Variants in HECW1 observed in about 807,000 individuals in gnomAD.
HECW1 encodes the protein HECT, C2 and WW domain containing E3 ubiquitin protein ligase 1.
In HECW1, 61 loss-of-function variants were observed where a neutral mutation model predicts 182.3. That is an observed-to-expected ratio of 0.33 (90% CI 0.27 to 0.41). The LOEUF (loss-of-function observed/expected upper bound fraction) is 0.41, where lower values mean the gene tolerates loss of function less well. Ranked by LOEUF, HECW1 falls within the 10% of genes least tolerant of loss-of-function variation. The pLI, the probability that HECW1 is intolerant of heterozygous loss-of-function variation, is 1.00. For synonymous variants in HECW1, 859 were observed against 832.6 expected, an observed-to-expected ratio of 1.03 and a Z score of -0.55; for missense variants, 1,739 against 2,108.9, an observed-to-expected ratio of 0.82 and a Z score of 3.44.
intron 19 of HECW1, among the ~76,000 whole-genome samples, chr7:43,499,454 G>A (rs1254336415): frequency 6.8e-6 from 1 of 147,022 alleles, no homozygotes; most frequent in Non-Finnish European, 1.5e-5. Flanking sequence ...GGGCAACAGA[G>A]CAAGACTCTG....
chr7:43,550,734 G>A, intron 27 of HECW1, 143 bp downstream of exon 27: 1 of 770,260 alleles, frequency 1.3e-6, no homozygotes, highest in South Asian at 1.7e-5. Flanking sequence ...GGCTCAGCGA[G>A]TGCTCCTCAC....
chr7:43,495,393 G>A lies in HECW1; in HGVS notation c.3437+2213G>A, dbSNP rs137863534. Among the ~76,000 whole-genome samples, 411 of 152,234 alleles carry A rather than the reference G, an allele frequency of 2.7e-3. 8 individuals carry two copies. The East Asian group carries it at 0.047, about 17-fold the overall frequency. On this transcript the variant is annotated intron_variant, in intron 19 of 29. Coordinates refer to ENST00000395891, the MANE Select transcript of HECW1 (RefSeq NM_015052.5). ...TTTTCTGTTCTTATGTTAGTTTGCT[G>A]AGAATGATGGTTTCCTAGTATTTCT... is the stretch of plus-strand genomic sequence containing the variant.
intron 6 of HECW1, among the ~76,000 whole-genome samples, chr7:43,392,933 T>C (rs1470073890): frequency 6.6e-6 from 1 of 152,104 alleles, no homozygotes. Context: ...GTGGTGTGAA[T>C]TCATATTTAC....
At position 43,444,645 on chromosome 7, in the gene HECW1, A is replaced by G; in HGVS notation, c.1473A>G (p.Ala491=). Residue 491 remains alanine, a synonymous_variant, in exon 11 of 30, where the codon GCA becomes GCG. Coordinates refer to ENST00000395891, the MANE Select transcript of HECW1 (RefSeq NM_015052.5). The surrounding 1 kb of genome is among the most constrained non-coding windows in gnomAD (Gnocchi z 4.3). The part of the protein sequence containing the change: ...STKEEPLEEE[A]TTQSRAGREE... ...AGGAGGAGCCCTTGGAGGAGGAAGC[A>G]ACGACCCAGAGCCGGGCTGGAAGGG... 1 of 1,608,184 alleles carries G rather than the reference A, an allele frequency of 6.2e-7. No individual in the cohort carries two copies. The highest frequency in any genetic ancestry group is 8.5e-7 in the Non-Finnish European group (1 of 1,177,250).
intron 8 of HECW1, among the ~76,000 whole-genome samples, chr7:43,417,442 TG>T (rs1210834813): frequency 6.6e-6 from 1 of 152,236 alleles, no homozygotes; most frequent in Non-Finnish European, 1.5e-5. Context: ...GTGGGCCTGG[TG>T]AGTCTAATCC....
chr7:43,504,313 G>A (rs75399458), intron 21 of HECW1, among the ~76,000 whole-genome samples: 23,280 of 152,114 alleles, frequency 0.15, 2,296 homozygotes, highest in Non-Finnish European at 0.21. Context: ...CTCCACAATC[G>A]CTAATTCAAA....
intron 7 of HECW1, among the ~76,000 whole-genome samples, chr7:43,397,317 A>AATGCAATT (rs771629530): frequency 6.6e-5 from 10 of 152,234 alleles, no homozygotes; most frequent in Non-Finnish European, 1.5e-4. Flanking sequence ...AAATCAGTGG[A>AATGCAATT]ATCCAATTAA....
intron 19 of HECW1, among the ~76,000 whole-genome samples, chr7:43,496,408 A>G (rs934007110): frequency 2.0e-5 from 3 of 152,110 alleles, no homozygotes; most frequent in South Asian, 2.1e-4. Flanking sequence ...AAACTGGACT[A>G]TGTGATGATA....
chr7:43,244,938 C>A (rs767499844), intron 3 of HECW1, among the ~76,000 whole-genome samples: 10 of 152,294 alleles, frequency 6.6e-5, no homozygotes, highest in East Asian at 1.9e-4. Flanking sequence ...CGTCAGCGGG[C>A]GGGAAGATGA....
chr7:43,238,632 G>A (rs538642221), intron 2 of HECW1, among the ~76,000 whole-genome samples: 27 of 152,242 alleles, frequency 1.8e-4, no homozygotes, highest in African/African-American at 6.5e-4. Context: ...TCATTGTTTC[G>A]CCGTATGGAT....
intron 6 of HECW1, among the ~76,000 whole-genome samples, chr7:43,376,969 T>G (rs1440051077): frequency 6.6e-6 from 1 of 151,812 alleles, no homozygotes; most frequent in Non-Finnish European, 1.5e-5. Context: ...AAAAAAAGAC[T>G]TTTCTTCAGG....
At chr7:43,529,404 G>A (rs2080891076) in intron 24 of HECW1, among the ~76,000 whole-genome samples, 1 of 152,146 alleles carries the variant, frequency 6.6e-6, no homozygotes, top group African/African-American at 2.4e-5. Context: ...TTCCATGCCA[G>A]GGTAGTTTTC....
chr7:43,237,701 G>T (rs771311394), intron 2 of HECW1, among the ~76,000 whole-genome samples: 12 of 152,162 alleles, frequency 7.9e-5, no homozygotes, highest in Non-Finnish European at 1.6e-4. Flanking sequence ...GTCAATGCAT[G>T]TTGGGTGACT....
chr7:43,450,116 G>C (rs548824852), intron 11 of HECW1, among the ~76,000 whole-genome samples: 2 of 151,762 alleles, frequency 1.3e-5, no homozygotes, highest in Admixed American at 6.6e-5. Context: ...TCCTGTCGCC[G>C]TCTTTCTGCT....
chr7:43,419,841 G>A (rs893373093), intron 8 of HECW1, among the ~76,000 whole-genome samples: 5 of 152,318 alleles, frequency 3.3e-5, no homozygotes, highest in Admixed American at 6.5e-5. Context: ...ACGAGAGTAC[G>A]CCGAACAAAG....
chr7:43,153,890 G>A (rs1789608338), intron 2 of HECW1, among the ~76,000 whole-genome samples: 1 of 152,150 alleles, frequency 6.6e-6, no homozygotes, highest in Non-Finnish European at 1.5e-5. Flanking sequence ...GTACATGCCT[G>A]TGTATTTTAT....
intron 3 of HECW1, among the ~76,000 whole-genome samples, chr7:43,270,090 C>T (rs568294178): frequency 1.2e-3 from 185 of 152,262 alleles, no homozygotes; most frequent in African/African-American, 4.3e-3. Context: ...ATTTTTTTCA[C>T]TTACATTCTT....
chr7:43,333,949 T>G (rs1479904650), intron 5 of HECW1, among the ~76,000 whole-genome samples: 1 of 152,200 alleles, frequency 6.6e-6, no homozygotes. Flanking sequence ...CCAACCAGTT[T>G]AGCAACTCCT....
intron 6 of HECW1, among the ~76,000 whole-genome samples, 171 bp downstream of exon 6, chr7:43,361,151 A>G (rs747216960): frequency 1.3e-5 from 2 of 152,056 alleles, no homozygotes; most frequent in Non-Finnish European, 2.9e-5. Flanking sequence ...ATGGAAAGAC[A>G]CCTCAAAATG....
Sources: gnomAD v4.1 joint callset for allele counts (sites outside exome capture counted in the v4.1 genomes callset) on GRCh38, gnomAD v4.1.1 for gene constraint, Gnocchi (gnomAD v3.1) non-coding constraint, MANE v1.5 for transcripts, NCBI Gene and HGNC (gene_info 2026-07-23, HGNC 2026-07-21) for gene names.